The following ATP13A4 variants were observed in gnomAD, a reference collection of about 807,000 sequenced individuals.
ATP13A4 encodes the protein ATPase 13A4.
Under a neutral mutation model 142.5 loss-of-function variants are expected in ATP13A4, and 114 were observed. That is an observed-to-expected ratio of 0.80 (90% CI 0.69 to 0.93). The LOEUF (loss-of-function observed/expected upper bound fraction) is 0.93, where lower values mean the gene tolerates loss of function less well. Ranked by LOEUF, ATP13A4 falls within the 40% of genes least tolerant of loss-of-function variation. ATP13A4 has a pLI of 0.00. For missense variants in ATP13A4, 1,392 were observed against 1,454.0 expected (o/e 0.96, Z 0.69); for synonymous variants, 488 against 514.8 (o/e 0.95, Z 0.70).
At chr3:193,427,415 T>C in intron 25 of ATP13A4, among the ~76,000 whole-genome samples, 1 of 152,188 alleles carries the variant, frequency 6.6e-6, no homozygotes, top group Non-Finnish European at 1.5e-5. Flanking sequence ...CACATCAAGC[T>C]ACCAATGACT....
At chr3:193,488,256 C>T (rs1051936372) in intron 7 of ATP13A4, among the ~76,000 whole-genome samples, 8 of 152,100 alleles carry the variant, frequency 5.3e-5, no homozygotes, top group Non-Finnish European at 8.8e-5. Flanking sequence ...AAAAGCAAAA[C>T]TCCATCTCAA....
At chr3:193,537,182 C>G (rs140443174) in intron 1 of ATP13A4, among the ~76,000 whole-genome samples, 6 of 152,130 alleles carry the variant, frequency 3.9e-5, no homozygotes, top group African/African-American at 1.4e-4. Context: ...TGAAAACAAT[C>G]AGTCCACCTG....
chr3:193,494,818 GAGC>G (rs1405734354), intron 3 of ATP13A4, among the ~76,000 whole-genome samples: 1 of 151,758 alleles, frequency 6.6e-6, no homozygotes, highest in African/African-American at 2.4e-5. Flanking sequence ...AAAACCCAAA[GAGC>G]TGGATTTTTT....
At chr3:193,450,915 T>A (rs373080969) in intron 17 of ATP13A4, among the ~76,000 whole-genome samples, 3 of 152,166 alleles carry the variant, frequency 2.0e-5, no homozygotes, top group Admixed American at 6.5e-5. Flanking sequence ...CTATACAAAC[T>A]GCATGATGTT....
chr3:193,493,451 T>A (rs1720053462), intron 3 of ATP13A4, among the ~76,000 whole-genome samples: 1 of 151,684 alleles, frequency 6.6e-6, no homozygotes, highest in Non-Finnish European at 1.5e-5. Context: ...GAGGAAAAAA[T>A]TCCAAAAACA....
Position 193,407,361 on chromosome 3 carries a change from G to T in ATP13A4, c.3330C>A (p.Ser1110=). ...AATTCAAGCTGAGCATGATGACAAT[G>T]GAGGCCCTCCACAGGACGGGAGTGC... ...LLCTPVLWRA[S]IVIMLSLNFI... The change falls in exon 29 of 30, where the codon TCC becomes TCA. Residue 1110 remains serine, a synonymous_variant. Coordinates refer to ENST00000342695, the MANE Select transcript of ATP13A4 (RefSeq NM_032279.4). 1 of 1,613,686 alleles carries T rather than the reference G, an allele frequency of 6.2e-7. No individual in the cohort carries two copies. Among genetic ancestry groups the T allele is most frequent in the Non-Finnish European group, 8.5e-7 (1 of 1,179,708 alleles).
intron 2 of ATP13A4, among the ~76,000 whole-genome samples, chr3:193,505,879 C>A (rs1720836473): frequency 6.6e-6 from 1 of 152,228 alleles, no homozygotes; most frequent in Non-Finnish European, 1.5e-5. Context: ...GAACTCAAAT[C>A]CCAGCTCTAA....
rs528468509 is a variant in ATP13A4 at position 193,542,958 on chromosome 3, G to A, written c.60+11782C>T. On this transcript the variant is annotated intron_variant, in intron 1 of 29. Coordinates refer to ENST00000342695, the MANE Select transcript of ATP13A4 (RefSeq NM_032279.4). ...AGGTGGGCAGATCACAAGGTCAGGA[G>A]ATCGAGACCATCCTGGCTAACATGG... Among the ~76,000 whole-genome samples the A allele has an allele frequency of 6.6e-5, 10 of 152,310 alleles. No homozygotes were observed. In the South Asian group the frequency reaches 2.1e-3, roughly 32 times the overall value.
rs1724764774 is a variant in ATP13A4, at chr3:193,591,297, T to G, written n.91+1724A>C. On this transcript the variant is annotated intron_variant and non_coding_transcript_variant, in intron 1 of 3. Coordinates refer to the ATP13A4 transcript ENST00000489140. ...ATCTGCCTTCCTCGGCCTCCCAAAG[T>G]GCTGGGATTACAGGCATAAGCCGCC... Among the ~76,000 whole-genome samples, 3 of 152,238 alleles carry G rather than the reference T, an allele frequency of 2.0e-5. No homozygotes were observed. The South Asian group carries it at 6.2e-4, about 31-fold the overall frequency.
intron 2 of ATP13A4, among the ~76,000 whole-genome samples, chr3:193,509,228 G>T (rs1219619422): frequency 1.3e-5 from 2 of 152,174 alleles, no homozygotes; most frequent in Non-Finnish European, 2.9e-5. Flanking sequence ...AGCCTTCCCT[G>T]ACTGTTTTGA....
intron 1 of ATP13A4, among the ~76,000 whole-genome samples, chr3:193,527,139 G>A (rs567746165): frequency 5.9e-5 from 9 of 152,254 alleles, no homozygotes; most frequent in East Asian, 1.9e-4. Flanking sequence ...TCTAAACTCC[G>A]CTGCTATTAA....
At chr3:193,591,827 T>A (rs1487725273) in intron 1 of ATP13A4, among the ~76,000 whole-genome samples, 1 of 152,244 alleles carries the variant, frequency 6.6e-6, no homozygotes, top group Non-Finnish European at 1.5e-5. Context: ...TCTTGGTTTC[T>A]CTTATTTTAT....
chr3:193,473,117 G>C (rs1290453813), intron 8 of ATP13A4, among the ~76,000 whole-genome samples: 1 of 152,190 alleles, frequency 6.6e-6, no homozygotes, highest in Non-Finnish European at 1.5e-5. Flanking sequence ...TACAGGCTGC[G>C]CCAAGAAAAG....
chr3:193,451,464 T>C (rs1211134883), intron 17 of ATP13A4, among the ~76,000 whole-genome samples: 1 of 152,174 alleles, frequency 6.6e-6, no homozygotes, highest in South Asian at 2.1e-4. Context: ...AATCACTCTC[T>C]TTGGCTGGTA....
chr3:193,511,910 C>A lies in ATP13A4; in HGVS notation c.234+2788G>T, dbSNP rs866335099. On this transcript the variant is annotated intron_variant, in intron 2 of 29. Transcript: ENST00000342695. ...CATCATCTCCTCATTTAGTGACACT[C>A]TTTTTTAATTCACTCTTAGTGGATT... Among the ~76,000 whole-genome samples, 5 of 152,216 alleles carry A rather than the reference C, an allele frequency of 3.3e-5. No homozygotes were observed. The South Asian group carries it at 1.0e-3, about 31-fold the overall frequency.
At chr3:193,444,881 G>T (rs921670418) in intron 18 of ATP13A4, among the ~76,000 whole-genome samples, 1 of 152,214 alleles carries the variant, frequency 6.6e-6, no homozygotes, top group Non-Finnish European at 1.5e-5. Flanking sequence ...GATACAGGGA[G>T]CCCTGAGCGC....
intron 8 of ATP13A4, among the ~76,000 whole-genome samples, chr3:193,472,839 G>A (rs1008870533): frequency 6.6e-6 from 1 of 152,132 alleles, no homozygotes; most frequent in African/African-American, 2.4e-5. Context: ...AATCAGCCAG[G>A]TTTCTCACTG....
In ATP13A4 at chr3:193,459,150, A is replaced by T. The variant is rs376459565; in HGVS notation, c.1605T>A (p.Ser535=). Residue 535 remains serine, a synonymous_variant, in exon 14 of 30, where the codon TCT becomes TCA. Transcript: ENST00000342695. ...GGATGGTCCCATCAAGAAGGATCAG[A>T]GAGTGGCAGCTGGCCATCGCTGCAC... ...PLCAAMASCH[S]LILLDGTIQG... 6.2e-7 allele frequency: 1 copy of T among 1,614,122 alleles called. No homozygotes were observed. The highest frequency in any genetic ancestry group is 8.5e-7 in the Non-Finnish European group (1 of 1,180,046).
intron 8 of ATP13A4, among the ~76,000 whole-genome samples, chr3:193,477,256 G>C (rs1237225198): frequency 1.3e-5 from 2 of 152,052 alleles, no homozygotes; most frequent in Admixed American, 6.5e-5. Flanking sequence ...TTATATTTTA[G>C]AGCTATATGC....
Sources: allele counts gnomAD v4.1 joint callset (sites outside exome capture counted in the v4.1 genomes callset), GRCh38; gene constraint gnomAD v4.1.1; transcripts MANE v1.5; gene names NCBI Gene and HGNC (gene_info 2026-07-23, HGNC 2026-07-21).